The following B3GALT1 variants were observed in gnomAD, a reference collection of about 807,000 sequenced individuals.
B3GALT1 encodes the protein UDP-Gal:betaGlcNAc beta 1,3-galactosyltransferase, polypeptide 1.
B3GALT1 carries 10 observed loss-of-function variants against 23.2 expected under a neutral mutation model. The ratio of observed to expected loss-of-function variants is 0.43; its 90% CI spans 0.27 to 0.73. B3GALT1 has a LOEUF of 0.73. B3GALT1 is among the 30% of genes least tolerant of loss of function. B3GALT1 has a pLI of 0.21. For missense variants in B3GALT1, 299 were observed against 405.4 expected (o/e 0.74, Z 2.25); for synonymous variants, 156 against 141.5 (o/e 1.10, Z -0.73).
At chr2:167,784,742 C>A (rs1688313360) in intron 3 of B3GALT1, among the ~76,000 whole-genome samples, 1 of 152,038 alleles carries the variant, frequency 6.6e-6, no homozygotes, top group South Asian at 2.1e-4. Context: ...TAAAACAATG[C>A]TGTATTAAAA....
intron 3 of B3GALT1, among the ~76,000 whole-genome samples, chr2:167,782,134 A>G (rs1183574955): frequency 6.6e-6 from 1 of 152,192 alleles, no homozygotes; most frequent in Non-Finnish European, 1.5e-5. Context: ...TAAAACTACA[A>G]TAGTAAGTCT....
intron 2 of B3GALT1, among the ~76,000 whole-genome samples, chr2:167,602,264 G>A (rs571890716): frequency 6.6e-6 from 1 of 152,296 alleles, no homozygotes; most frequent in Admixed American, 6.5e-5. Flanking sequence ...AGTGTACAGA[G>A]AGCTGCAGCT....
intron 3 of B3GALT1, among the ~76,000 whole-genome samples, chr2:167,755,461 G>C (rs1182312804): frequency 4.7e-5 from 7 of 148,556 alleles, no homozygotes; most frequent in Admixed American, 2.0e-4. Context: ...AGAATTCTAT[G>C]CTCCAAAATA....
At chr2:167,687,841 A>G (rs567158149) in intron 3 of B3GALT1, among the ~76,000 whole-genome samples, 83 of 152,242 alleles carry the variant, frequency 5.5e-4, no homozygotes, top group Middle Eastern at 3.4e-3. Context: ...AAATATACAA[A>G]CTAGTCAGAG....
intron 2 of B3GALT1, among the ~76,000 whole-genome samples, chr2:167,609,087 C>T (rs1685014679): frequency 6.6e-6 from 1 of 152,102 alleles, no homozygotes; most frequent in Admixed American, 6.6e-5. Flanking sequence ...GGACCCATGA[C>T]TTACTTATAT....
chr2:167,775,704 T>G (rs1486242357), intron 3 of B3GALT1, among the ~76,000 whole-genome samples: 1 of 121,486 alleles, frequency 8.2e-6, no homozygotes, highest in African/African-American at 3.3e-5. Context: ...ACACACAAAC[T>G]TAAACAGGTG....
At chr2:167,552,629 ATAGAG>A (rs1418478798) in intron 2 of B3GALT1, among the ~76,000 whole-genome samples, 3 of 152,192 alleles carry the variant, frequency 2.0e-5, no homozygotes, top group African/African-American at 7.2e-5. Flanking sequence ...GACCAATAAT[ATAGAG>A]TAAATAGTCT....
chr2:167,602,096 T>C (rs1412342102), intron 2 of B3GALT1, among the ~76,000 whole-genome samples: 1 of 152,170 alleles, frequency 6.6e-6, no homozygotes, highest in Non-Finnish European at 1.5e-5. Context: ...TTTAAAACAT[T>C]GATATAGAGT....
chr2:167,554,664 T>G (rs1052565808), intron 2 of B3GALT1, among the ~76,000 whole-genome samples: 1 of 152,228 alleles, frequency 6.6e-6, no homozygotes, highest in East Asian at 1.9e-4. Flanking sequence ...TCATTTTCAT[T>G]GCTATTCCAT....
At chr2:167,504,509 C>T (rs1397346429) in intron 2 of B3GALT1, among the ~76,000 whole-genome samples, 1 of 152,160 alleles carries the variant, frequency 6.6e-6, no homozygotes, top group Non-Finnish European at 1.5e-5. Flanking sequence ...GAAAATGCCT[C>T]TTTTCCCTTT....
chr2:167,353,529 T>C (rs1368040505), intron 1 of B3GALT1, among the ~76,000 whole-genome samples: 1 of 152,038 alleles, frequency 6.6e-6, no homozygotes, highest in South Asian at 2.1e-4. Flanking sequence ...TGTTGCTGGG[T>C]AGGATATTCT....
intron 2 of B3GALT1, among the ~76,000 whole-genome samples, chr2:167,518,841 T>TA (rs2105359772): frequency 6.6e-6 from 1 of 152,310 alleles, no homozygotes; most frequent in Non-Finnish European, 1.5e-5. Flanking sequence ...GAAAGCCACT[T>TA]ACGGTCAACG....
chr2:167,351,408 T>C (rs943688861), intron 1 of B3GALT1, among the ~76,000 whole-genome samples: 1 of 152,190 alleles, frequency 6.6e-6, no homozygotes, highest in African/African-American at 2.4e-5. Flanking sequence ...ATTCCTGTAG[T>C]TTTTTCTAAA....
At chr2:167,514,682 CA>C (rs1300973460) in intron 2 of B3GALT1, among the ~76,000 whole-genome samples, 2 of 152,140 alleles carry the variant, frequency 1.3e-5, no homozygotes, top group African/African-American at 4.8e-5. Flanking sequence ...AAATAAACTG[CA>C]CAGAATAATG....
intron 1 of B3GALT1, among the ~76,000 whole-genome samples, chr2:167,440,841 A>G (rs565976786): frequency 3.9e-5 from 6 of 152,070 alleles, no homozygotes; most frequent in Admixed American, 3.9e-4. Context: ...TTGACTTTCT[A>G]GATTCCTAAT....
At chr2:167,627,747 A>G (rs1296540823) in intron 2 of B3GALT1, among the ~76,000 whole-genome samples, 16 of 151,588 alleles carry the variant, frequency 1.1e-4, no homozygotes, top group Non-Finnish European at 1.5e-5. Context: ...ATATTAAACT[A>G]CCAAATCATT....
At chr2:167,363,458 C>CTCTTCTCTCCCT (rs1697530611) in intron 1 of B3GALT1, among the ~76,000 whole-genome samples, 1 of 152,018 alleles carries the variant, frequency 6.6e-6, no homozygotes. Context: ...TTTTGATTTC[C>CTCTTCTCTCCCT]TCTTCTCTCC....
chr2:167,639,586 G>A (rs116115316), intron 2 of B3GALT1, among the ~76,000 whole-genome samples: 278 of 97,526 alleles, frequency 2.9e-3, no homozygotes, highest in Non-Finnish European at 4.4e-3. Flanking sequence ...CTTTATATTA[G>A]TGATTACTGG....
Position 167,598,972 on chromosome 2 carries a change from C to G in B3GALT1, c.-409-47937C>G, listed in dbSNP as rs112403047. ...TAGACTGTCCAGTACCACAGAATAT[C>G]ACAGAATCATAGACTTCCAGAGATT... On this transcript the variant is annotated intron_variant, in intron 2 of 4. Coordinates refer to ENST00000392690, the MANE Select transcript of B3GALT1 (RefSeq NM_020981.4). 2.5e-3 allele frequency among the ~76,000 whole-genome samples: 375 copies of G among 152,230 alleles called. 1 individual carries two copies. Among genetic ancestry groups the G allele is most frequent in the African/African-American group, 8.6e-3 (358 of 41,542 alleles).
Sources: gnomAD v4.1 joint callset for allele counts (sites outside exome capture counted in the v4.1 genomes callset) on GRCh38, gnomAD v4.1.1 for gene constraint, MANE v1.5 for transcripts, NCBI Gene and HGNC (gene_info 2026-07-23, HGNC 2026-07-21) for gene names.